The following PTPRC variants were observed in gnomAD, a reference collection of about 807,000 sequenced individuals.
PTPRC encodes protein tyrosine phosphatase receptor type C.
PTPRC carries 44 observed loss-of-function variants against 155.9 expected under a neutral mutation model. The ratio of observed to expected loss-of-function variants is 0.28; its 90% CI spans 0.22 to 0.36. The LOEUF (loss-of-function observed/expected upper bound fraction) is 0.36. Ranked by LOEUF, PTPRC falls within the 10% of genes least tolerant of loss-of-function variation. PTPRC has a pLI of 1.00. For missense variants in PTPRC, 1,401 were observed against 1,564.6 expected, an observed-to-expected ratio of 0.90 and a Z score of 1.76; for synonymous variants, 525 against 533.1, an observed-to-expected ratio of 0.98 and a Z score of 0.21.
At chr1:198,692,978 T>A (rs920310498) in intron 3 of PTPRC, 18 of 934,130 alleles carry the variant, frequency 1.9e-5, no homozygotes, top group African/African-American at 7.2e-5. Context: ...AGAGAAAAAA[T>A]TAAATTGCAG....
At chr1:198,659,152 T>C (rs1191856119) in intron 2 of PTPRC, among the ~76,000 whole-genome samples, 1 of 152,166 alleles carries the variant, frequency 6.6e-6, no homozygotes, top group Non-Finnish European at 1.5e-5. Flanking sequence ...GAGGCCATTA[T>C]GACAATTAAT....
At position 198,692,267 on chromosome 1, in the gene PTPRC, A is replaced by G. The variant is rs542300099; in HGVS notation, c.74-80A>G. 1.8e-4 allele frequency: 190 copies of G among 1,038,690 alleles called. No homozygotes were observed. In the Middle Eastern group the frequency reaches 1.9e-3, roughly 10 times the overall value. The allele number at this position is 1,038,690 out of a possible 1,614,324, so 64.3% of individuals were successfully genotyped here. A position where few individuals can be genotyped will look rare whatever the true frequency, so the allele number is the denominator to read the frequency against. Reference sequence around the variant, plus strand: ...ATGTTCTATCATAGACTTGAGGTACATATAAAAATCTAATATATGTTTACA... The same window carrying G: ...ATGTTCTATCATAGACTTGAGGTACGTATAAAAATCTAATATATGTTTACA... On this transcript the variant is annotated intron_variant, in intron 2 of 32. Transcript: ENST00000442510.
At chr1:198,667,922 A>T (rs1664412929) in intron 2 of PTPRC, among the ~76,000 whole-genome samples, 1 of 152,232 alleles carries the variant, frequency 6.6e-6, no homozygotes, top group African/African-American at 2.4e-5. Flanking sequence ...AACTGGAAAG[A>T]AGTAGGCAAT....
At chr1:198,754,505 C>CT (rs1655536524) in intron 32 of PTPRC, 101 bp downstream of exon 32, 1 of 1,344,928 alleles carries the variant, frequency 7.4e-7, no homozygotes, top group Non-Finnish European at 1.0e-6. Context: ...CTCGTTTGTT[C>CT]TTTTTTCCCC....
intron 29 of PTPRC, 58 bp from the exon 30 acceptor site, chr1:198,752,191 T>A: frequency 6.5e-7 from 1 of 1,549,152 alleles, no homozygotes; most frequent in South Asian, 1.1e-5. Context: ...AGAGGGAGAC[T>A]GATCCTTTGC....
chr1:198,729,817 T>C (rs937221444), intron 17 of PTPRC, among the ~76,000 whole-genome samples: 7 of 152,118 alleles, frequency 4.6e-5, no homozygotes, highest in Admixed American at 1.3e-4. Flanking sequence ...TATAGATATA[T>C]GGAAGATAGA....
chr1:198,708,403 T>A, intron 10 of PTPRC, 142 bp downstream of exon 10: 1 of 777,596 alleles, frequency 1.3e-6, no homozygotes, highest in Non-Finnish European at 2.0e-6. Context: ...CTTTCTTGTC[T>A]TTTTCTTGGT....
intron 2 of PTPRC, among the ~76,000 whole-genome samples, chr1:198,659,031 A>T (rs1278820788): frequency 6.6e-6 from 1 of 152,208 alleles, no homozygotes; most frequent in Non-Finnish European, 1.5e-5. Flanking sequence ...TTTCAAAATC[A>T]TATTTTAAAA....
At chr1:198,729,963 G>C (rs935426075) in intron 17 of PTPRC, among the ~76,000 whole-genome samples, 4 of 152,144 alleles carry the variant, frequency 2.6e-5, no homozygotes, top group Non-Finnish European at 5.9e-5. Flanking sequence ...GTCCCTGCCA[G>C]GGTGGAATGG....
chr1:198,657,619 C>A (rs1022779547), intron 2 of PTPRC: 31 of 152,134 alleles, frequency 2.0e-4, no homozygotes, highest in African/African-American at 7.2e-5. Context: ...GCAGAAGTTG[C>A]AAAACATTAT....
chr1:198,676,691 G>C (rs1478440435), intron 2 of PTPRC, among the ~76,000 whole-genome samples: 1 of 152,098 alleles, frequency 6.6e-6, no homozygotes, highest in Non-Finnish European at 1.5e-5. Flanking sequence ...CATAAGCCTT[G>C]CTTTTGATAA....
chr1:198,660,547 C>A (rs1663905587), intron 2 of PTPRC: 1 of 151,162 alleles, frequency 6.6e-6, no homozygotes, highest in Non-Finnish European at 1.5e-5. Flanking sequence ...AGAACCAGGA[C>A]AACAGGTAGA....
intron 2 of PTPRC, among the ~76,000 whole-genome samples, chr1:198,665,233 GCGCC>G (rs1440929113): frequency 6.6e-6 from 1 of 151,168 alleles, no homozygotes. Context: ...GGGACTACAG[GCGCC>G]CGCCGCCACG....
chr1:198,660,488 G>GTGTGTGTA (rs1422493336), intron 2 of PTPRC: 4 of 151,610 alleles, frequency 2.6e-5, no homozygotes, highest in Non-Finnish European at 5.9e-5. Flanking sequence ...ATGTGTGTGT[G>GTGTGTGTA]TGTGTGTGTG....
rs562181099 is a variant in PTPRC at position 198,655,580 on chromosome 1, T to C, written c.73+16239T>C. 9.9e-5 allele frequency among the ~76,000 whole-genome samples: 15 copies of C among 151,450 alleles called. No individual in the cohort carries two copies. In the East Asian group the frequency reaches 2.6e-3, roughly 26 times the overall value. On this transcript the variant is annotated intron_variant, in intron 2 of 32. Coordinates refer to ENST00000442510, the MANE Select transcript of PTPRC (RefSeq NM_002838.5). ...TAATTCCTCTTCACTAGACTGAGAT[T>C]CTGGTATGTGGTATTCAATAAGTGA...
intron 3 of PTPRC, chr1:198,693,916 T>C: frequency 7.3e-7 from 1 of 1,370,154 alleles, no homozygotes; most frequent in Non-Finnish European, 9.6e-7. Flanking sequence ...TACTATGTAT[T>C]AGTCTGGGTT....
chr1:198,755,217 A>AAAT lies in PTPRC; in HGVS notation c.3646-686_3646-684dup, dbSNP rs1440241083. Among the ~76,000 whole-genome samples, 3 of 152,234 alleles carry AAAT rather than the reference A, an allele frequency of 2.0e-5. No homozygotes were observed. In the East Asian group the frequency reaches 5.8e-4, roughly 30 times the overall value. On this transcript the variant is annotated intron_variant, in intron 32 of 32. Transcript: ENST00000442510. Reference sequence around the variant, plus strand: ...CAAAGAAATGTGGATACAGGAAGGAAAATAAGTTTTATATTCTTGTAATCG... The same window carrying AAAT: ...CAAAGAAATGTGGATACAGGAAGGAAAATAATAAGTTTTATATTCTTGTAATCG...
intron 26 of PTPRC, among the ~76,000 whole-genome samples, chr1:198,745,453 G>C (rs1324333377): frequency 1.3e-5 from 2 of 151,834 alleles, no homozygotes; most frequent in East Asian, 3.9e-4. Flanking sequence ...AAAATGTGAG[G>C]CTAGGTCATC....
intron 3 of PTPRC, chr1:198,694,045 G>T (rs1169739386): frequency 1.3e-6 from 2 of 1,549,022 alleles, no homozygotes; most frequent in African/African-American, 2.7e-5. Context: ...GAGCAAGGAA[G>T]CCAATCCAAG....
Sources: gnomAD v4.1 joint callset for allele counts (sites outside exome capture counted in the v4.1 genomes callset) on GRCh38, gnomAD v4.1.1 for gene constraint, MANE v1.5 for transcripts, NCBI Gene and HGNC (gene_info 2026-07-23, HGNC 2026-07-21) for gene names.